ROR1: variants seen among roughly 807,000 people sequenced by gnomAD.
ROR1 encodes ROR family WNT receptor 1.
Under a neutral mutation model 78.8 loss-of-function variants are expected in ROR1, and 19 were observed. That is an observed-to-expected ratio of 0.24 (90% CI 0.17 to 0.35). The LOEUF is 0.35. ROR1 is among the 10% of genes least tolerant of loss of function. The pLI is 1.00. For synonymous variants in ROR1, 386 were observed against 433.6 expected (o/e 0.89, Z 1.36); for missense variants, 917 against 1,177.8 (o/e 0.78, Z 3.24).
intron 4 of ROR1, among the ~76,000 whole-genome samples, chr1:64,053,452 C>T (rs973736533): frequency 2.6e-5 from 4 of 152,112 alleles, no homozygotes; most frequent in Admixed American, 1.3e-4. Context: ...TTGATATTTT[C>T]GTTTGGTTTC....
At chr1:63,783,123 T>G (rs1040008370) in intron 1 of ROR1, among the ~76,000 whole-genome samples, 1 of 152,106 alleles carries the variant, frequency 6.6e-6, no homozygotes, top group Non-Finnish European at 1.5e-5. Flanking sequence ...CACTGTGGAA[T>G]GAAGCTGATC....
At chr1:64,115,381 A>T (rs1313716635) in intron 4 of ROR1, among the ~76,000 whole-genome samples, 1 of 151,980 alleles carries the variant, frequency 6.6e-6, no homozygotes, top group Non-Finnish European at 1.5e-5. Flanking sequence ...ATGCCTGGCT[A>T]ATTTTTAATT....
At chr1:64,129,301 A>G (rs1269181730) in intron 4 of ROR1, among the ~76,000 whole-genome samples, 1 of 152,168 alleles carries the variant, frequency 6.6e-6, no homozygotes, top group Non-Finnish European at 1.5e-5. Context: ...CTCTTTTTCA[A>G]TCCATGCCCA....
intron 1 of ROR1, among the ~76,000 whole-genome samples, chr1:63,831,616 T>C (rs899664415): frequency 3.9e-5 from 6 of 152,160 alleles, no homozygotes; most frequent in African/African-American, 1.4e-4. Flanking sequence ...ACAAAACCAG[T>C]TTTCCCTTCT....
At chr1:64,091,815 C>A (rs996073963) in intron 4 of ROR1, among the ~76,000 whole-genome samples, 1 of 152,088 alleles carries the variant, frequency 6.6e-6, no homozygotes, top group Non-Finnish European at 1.5e-5. Flanking sequence ...GCCTTTTCTC[C>A]TCAAAACTGA....
intron 1 of ROR1, among the ~76,000 whole-genome samples, chr1:63,807,645 C>A (rs1468652516): frequency 3.3e-5 from 5 of 152,126 alleles, no homozygotes; most frequent in Admixed American, 2.0e-4. Flanking sequence ...ATGTGTAAGC[C>A]CCATCTTGTC....
intron 6 of ROR1, 96 bp downstream of exon 6, chr1:64,140,522 T>A (rs1385008385): frequency 1.7e-6 from 2 of 1,148,216 alleles, no homozygotes; most frequent in Admixed American, 4.5e-5. Context: ...ATTTTCATAC[T>A]GTTAATCAAA....
chr1:64,026,270 G>A (rs975979062), intron 2 of ROR1, among the ~76,000 whole-genome samples: 6 of 152,028 alleles, frequency 3.9e-5, no homozygotes, highest in Admixed American at 2.6e-4. Context: ...TATGGCTTTG[G>A]GTAAATTACT....
chr1:64,177,188 AC>A (rs903587027), intron 8 of ROR1, among the ~76,000 whole-genome samples: 3 of 152,364 alleles, frequency 2.0e-5, no homozygotes, highest in African/African-American at 7.2e-5. Context: ...AAGACTCTAG[AC>A]AACAGCAAAA....
intron 8 of ROR1, among the ~76,000 whole-genome samples, chr1:64,168,493 T>A (rs1650148642): frequency 6.6e-6 from 1 of 152,198 alleles, no homozygotes; most frequent in Non-Finnish European, 1.5e-5. Context: ...TCTTCATGGT[T>A]CTTTCATGGC....
intron 1 of ROR1, among the ~76,000 whole-genome samples, chr1:63,947,301 A>G (rs1393655264): frequency 8.5e-5 from 13 of 152,168 alleles, no homozygotes; most frequent in Non-Finnish European, 1.5e-5. Flanking sequence ...ATGCATTACC[A>G]TCTATGCTAA....
chr1:63,882,537 C>T (rs61765140), intron 1 of ROR1, among the ~76,000 whole-genome samples: 1,657 of 152,268 alleles, frequency 0.011, 14 homozygotes, highest in Non-Finnish European at 0.017. Context: ...TCTCAAACAG[C>T]TTGAACAATT....
chr1:64,098,111 T>C (rs1307685394), intron 4 of ROR1, among the ~76,000 whole-genome samples: 1 of 152,146 alleles, frequency 6.6e-6, no homozygotes, highest in African/African-American at 2.4e-5. Flanking sequence ...CCTTTCAAAT[T>C]CGTTCCAGGT....
At chr1:64,107,978 T>G (rs1422616634) in intron 4 of ROR1, among the ~76,000 whole-genome samples, 2 of 152,054 alleles carry the variant, frequency 1.3e-5, no homozygotes, top group African/African-American at 2.4e-5. Flanking sequence ...AATGACATGT[T>G]TAATTATTTT....
chr1:63,800,859 GA>G (rs1169759843), intron 1 of ROR1, among the ~76,000 whole-genome samples: 1 of 152,096 alleles, frequency 6.6e-6, no homozygotes, highest in Non-Finnish European at 1.5e-5. Context: ...GGTGAAGTTT[GA>G]CTGACCTTGA....
chr1:64,116,315 T>C (rs2100681307), intron 4 of ROR1, among the ~76,000 whole-genome samples: 1 of 152,310 alleles, frequency 6.6e-6, no homozygotes, highest in East Asian at 1.9e-4. Context: ...GGCGGTGATT[T>C]TGTGTCACAA....
intron 1 of ROR1, among the ~76,000 whole-genome samples, chr1:63,868,835 A>G (rs1316558407): frequency 6.6e-6 from 1 of 152,202 alleles, no homozygotes; most frequent in Non-Finnish European, 1.5e-5. Context: ...AATAGAGAAG[A>G]AACTTTATTC....
chr1:63,968,980 C>G (rs1245363958), intron 1 of ROR1, among the ~76,000 whole-genome samples: 1 of 152,150 alleles, frequency 6.6e-6, no homozygotes, highest in Admixed American at 6.5e-5. Flanking sequence ...CCTTGGAATG[C>G]TATTAATGCA....
At chr1:64,166,937 G>A (rs931550966) in intron 8 of ROR1, among the ~76,000 whole-genome samples, 12 of 152,144 alleles carry the variant, frequency 7.9e-5, no homozygotes, top group African/African-American at 2.9e-4. Flanking sequence ...ATTATAAATT[G>A]GCATCATAAA....
Sources: allele counts gnomAD v4.1 joint callset (sites outside exome capture counted in the v4.1 genomes callset), GRCh38; gene constraint gnomAD v4.1.1; transcripts MANE v1.5; gene names NCBI Gene and HGNC (gene_info 2026-07-23, HGNC 2026-07-21).